The following FSTL5 variants were observed in gnomAD, a reference collection of about 807,000 sequenced individuals.
FSTL5 encodes follistatin-related protein 5.
Under a neutral mutation model 89.1 loss-of-function variants are expected in FSTL5, and 62 were observed. The observed-to-expected ratio is 0.70, with a 90% CI of 0.57 to 0.86. The LOEUF (loss-of-function observed/expected upper bound fraction) is 0.86, where lower values mean the gene tolerates loss of function less well. Among genes scored for constraint, FSTL5 ranks in the 40% least tolerant of loss-of-function variants. FSTL5 has a pLI of 0.00. For synonymous variants in FSTL5, 383 were observed against 346.2 expected, an observed-to-expected ratio of 1.11 and a Z score of -1.18; for missense variants, 1,057 against 1,001.6, an observed-to-expected ratio of 1.06 and a Z score of -0.75.
intron 3 of FSTL5, among the ~76,000 whole-genome samples, chr4:161,994,512 T>C (rs1430090135): frequency 6.4e-4 from 97 of 152,340 alleles, no homozygotes; most frequent in Non-Finnish European, 8.7e-4. Context: ...TGTATAAGTG[T>C]TCCCTTTTCT....
intron 4 of FSTL5, among the ~76,000 whole-genome samples, chr4:161,882,421 T>C (rs1011323257): frequency 3.9e-5 from 6 of 152,102 alleles, no homozygotes; most frequent in Non-Finnish European, 1.5e-5. Flanking sequence ...CAAAGCAAAA[T>C]TGTATCACTT....
At chr4:161,582,137 G>A (rs1733457178) in intron 8 of FSTL5, among the ~76,000 whole-genome samples, 1 of 152,154 alleles carries the variant, frequency 6.6e-6, no homozygotes, top group Non-Finnish European at 1.5e-5. Flanking sequence ...TATTTAAACA[G>A]ACTTTGAACT....
chr4:162,059,702 G>A (rs1051265198), intron 2 of FSTL5, among the ~76,000 whole-genome samples: 14 of 152,020 alleles, frequency 9.2e-5, no homozygotes, highest in African/African-American at 3.4e-4. Context: ...TCTATAAATA[G>A]CATAATCTAT....
At chr4:161,551,360 T>G (rs1180188820) in intron 8 of FSTL5, among the ~76,000 whole-genome samples, 1 of 150,842 alleles carries the variant, frequency 6.6e-6, no homozygotes, top group Non-Finnish European at 1.5e-5. Context: ...TTTCATGTGT[T>G]TTTTGGCTGC....
chr4:161,649,091 TAAC>T (rs1736248135), intron 7 of FSTL5, among the ~76,000 whole-genome samples: 1 of 152,166 alleles, frequency 6.6e-6, no homozygotes, highest in South Asian at 2.1e-4. Flanking sequence ...ATTGACCTGT[TAAC>T]AGCCCGGACA....
At chr4:162,068,855 C>A (rs10213209) in intron 2 of FSTL5, among the ~76,000 whole-genome samples, 91,352 of 151,834 alleles carry the variant, frequency 0.6, 28,058 homozygotes, top group African/African-American at 0.72. Flanking sequence ...GGAAAACAAA[C>A]AAACAACCCC....
At chr4:161,753,339 T>G (rs377560979) in intron 6 of FSTL5, among the ~76,000 whole-genome samples, 4 of 152,178 alleles carry the variant, frequency 2.6e-5, no homozygotes, top group African/African-American at 9.6e-5. Flanking sequence ...ACCATTCACC[T>G]TAGTAGGCAA....
At chr4:161,915,869 G>A (rs1365873551) in intron 4 of FSTL5, among the ~76,000 whole-genome samples, 1 of 152,040 alleles carries the variant, frequency 6.6e-6, no homozygotes, top group Non-Finnish European at 1.5e-5. Context: ...ATAAAAGGCT[G>A]TATTAACATA....
rs1249039079 is a variant in FSTL5 at position 161,901,200 on chromosome 4, AC to A, written c.409+19203del. Among the ~76,000 whole-genome samples, 9 of 151,898 alleles carry A rather than the reference AC, an allele frequency of 5.9e-5. No homozygotes were observed. The East Asian group carries it at 9.7e-4, about 16-fold the overall frequency. On this transcript the variant is annotated intron_variant, in intron 4 of 15. Transcript: ENST00000306100. ...GGAAATCTAGACCAAAAAAAAAAAA[AC>A]AGAACACCTAAATTACTAGTAACAT...
chr4:161,860,185 G>A (rs534753428), intron 4 of FSTL5, among the ~76,000 whole-genome samples: 2 of 152,204 alleles, frequency 1.3e-5, no homozygotes, highest in East Asian at 3.9e-4. Context: ...CTACTCGGGA[G>A]GCTGAGGCAG....
At chr4:161,781,091 T>C (rs1247679406) in intron 4 of FSTL5, among the ~76,000 whole-genome samples, 3 of 152,022 alleles carry the variant, frequency 2.0e-5, no homozygotes, top group South Asian at 2.1e-4. Context: ...TTATAATGTA[T>C]GTAGAAACTG....
chr4:161,513,382 G>GA (rs1730718624), intron 10 of FSTL5, among the ~76,000 whole-genome samples: 1 of 151,032 alleles, frequency 6.6e-6, no homozygotes, highest in African/African-American at 2.4e-5. Flanking sequence ...AGAGGATCAG[G>GA]AAAAATAACT....
chr4:161,977,639 A>AAAAAATAATAAT (rs1553988132), intron 3 of FSTL5, among the ~76,000 whole-genome samples: 3 of 101,244 alleles, frequency 3.0e-5, no homozygotes, highest in African/African-American at 1.2e-4. Context: ...AAAAAAAAAA[A>AAAAAATAATAAT]AATAATAATA....
At chr4:161,524,949 C>T (rs1731165860) in intron 10 of FSTL5, among the ~76,000 whole-genome samples, 1 of 149,346 alleles carries the variant, frequency 6.7e-6, no homozygotes, top group Admixed American at 6.6e-5. Flanking sequence ...CAGAGCAAGA[C>T]TCCATCTCAA....
At chr4:161,978,620 A>G (rs1678650730) in intron 3 of FSTL5, among the ~76,000 whole-genome samples, 1 of 152,120 alleles carries the variant, frequency 6.6e-6, no homozygotes, top group Non-Finnish European at 1.5e-5. Context: ...TACATACAGT[A>G]CTATTATAAC....
At chr4:161,638,214 C>T (rs922981631) in intron 7 of FSTL5, among the ~76,000 whole-genome samples, 3 of 151,672 alleles carry the variant, frequency 2.0e-5, no homozygotes, top group African/African-American at 7.3e-5. Context: ...GTATTTTATT[C>T]TCTTTGAAGC....
intron 2 of FSTL5, among the ~76,000 whole-genome samples, chr4:162,093,519 A>T (rs1730633146): frequency 6.6e-6 from 1 of 152,200 alleles, no homozygotes. Flanking sequence ...TGCTGGGATT[A>T]AGGAGAGATA....
chr4:161,394,576 A>G (rs1433827969), intron 15 of FSTL5, among the ~76,000 whole-genome samples: 2 of 152,048 alleles, frequency 1.3e-5, no homozygotes, highest in African/African-American at 4.8e-5. Context: ...CACCTGGCCA[A>G]TACACGTAAT....
At position 161,447,533 on chromosome 4, in the gene FSTL5, G is replaced by C. The variant is rs531828905; in HGVS notation, c.1841+7471C>G. 9.2e-5 allele frequency among the ~76,000 whole-genome samples: 14 copies of C among 152,060 alleles called. No homozygotes were observed. In the South Asian group the frequency reaches 2.5e-3, roughly 27 times the overall value. ...AAAGACCAAGAAGGGAAGCAGACAG[G>C]GTTCTCTAACTCAAGAAATAATAAA... On this transcript the variant is annotated intron_variant, in intron 15 of 15. Transcript: ENST00000306100.
Sources: gnomAD v4.1 joint callset for allele counts (sites outside exome capture counted in the v4.1 genomes callset) on GRCh38, gnomAD v4.1.1 for gene constraint, MANE v1.5 for transcripts, NCBI Gene and HGNC (gene_info 2026-07-23, HGNC 2026-07-21) for gene names.